The following ACSM2A variants were observed in gnomAD, a reference collection of about 807,000 sequenced individuals.
The protein encoded by ACSM2A is acyl-coenzyme A synthetase ACSM2A, mitochondrial.
In ACSM2A, 72 loss-of-function variants were observed where a neutral mutation model predicts 76.6. That is an observed-to-expected ratio of 0.94 (90% CI 0.78 to 1.14). The LOEUF (loss-of-function observed/expected upper bound fraction) is 1.14, where lower values mean the gene tolerates loss of function less well. Ranked by LOEUF, ACSM2A falls within the 50% of genes most tolerant of loss-of-function variation. The probability of loss-of-function intolerance (pLI) is 0.00; values close to 1 mark genes in which losing one functional copy is unlikely to be tolerated. For synonymous variants in ACSM2A, 249 were observed against 255.9 expected, an observed-to-expected ratio of 0.97 and a Z score of 0.26; for missense variants, 684 against 708.5, an observed-to-expected ratio of 0.97 and a Z score of 0.39.
At chr16:20,478,485 T>A in intron 9 of ACSM2A, 91 bp from the exon 10 acceptor site, 1 of 1,457,332 alleles carries the variant, frequency 6.9e-7, no homozygotes, top group East Asian at 2.4e-5. Context: ...AGCAAGAGGG[T>A]CTTTCATTTG....
chr16:20,477,798 C>T (rs1360194499), intron 9 of ACSM2A, among the ~76,000 whole-genome samples: 1 of 152,170 alleles, frequency 6.6e-6, no homozygotes, highest in Non-Finnish European at 1.5e-5. Flanking sequence ...AGGATCTTTT[C>T]AGTTCAATTA....
chr16:20,454,419 C>G (rs888388399), intron 1 of ACSM2A, among the ~76,000 whole-genome samples: 2 of 152,134 alleles, frequency 1.3e-5, no homozygotes, highest in Non-Finnish European at 2.9e-5. Flanking sequence ...TTCCTCCCCA[C>G]CCAGTAGTGG....
At chr16:20,457,626 T>C (rs140856972) in intron 1 of ACSM2A, among the ~76,000 whole-genome samples, 11,453 of 152,006 alleles carry the variant, frequency 0.075, 1,020 homozygotes, top group African/African-American at 0.2. Flanking sequence ...CCTCTTATGA[T>C]TAAAACCCTC....
At position 20,471,374 on chromosome 16, in the gene ACSM2A, TC is replaced by T. The variant is rs538825737; in HGVS notation, c.741-157del. On this transcript the variant is annotated intron_variant, in intron 5 of 13. Transcript: ENST00000573854. Reference sequence around the variant, plus strand: ...GATGTGTGGATAGAACAACTTTTCTTCCCCCTTCCTACTTATACATAGACAT... The same window carrying T: ...GATGTGTGGATAGAACAACTTTTCTTCCCCTTCCTACTTATACATAGACAT... Among the ~76,000 whole-genome samples the T allele has an allele frequency of 2.7e-3, 406 of 152,148 alleles. 1 individual carries two copies. The highest frequency in any genetic ancestry group is 7.3e-3 in the African/African-American group (303 of 41,496).
chr16:20,481,896 G>T (rs2014106392), intron 12 of ACSM2A: 1 of 92,668 alleles, frequency 1.1e-5, no homozygotes. Context: ...TGCTTGGTTG[G>T]GAGGCCGAGG....
Position 20,480,584 on chromosome 16 carries a change from C to G in ACSM2A, c.1293C>G (p.Asp431Glu). 6.2e-7 allele frequency: 1 copy of G among 1,613,858 alleles called. No homozygotes were observed. Among genetic ancestry groups the G allele is most frequent in the Non-Finnish European group, 8.5e-7 (1 of 1,179,820 alleles). The stretch of plus-strand genomic sequence containing the variant: ...TCTGTGGTCACCAGGACAATCCCGA[C>G]AAGACAGCAGCCAACATTCGAGGAG... ...GIFSGYVDNPDKTAANIRGDF... is the reference protein window; with the variant it reads ...GIFSGYVDNPEKTAANIRGDF... Residue 431 changes from aspartate (D) to glutamate (E), a missense_variant, in exon 11 of 14, where the codon GAC becomes GAG. By Grantham distance (45) the Asp-to-Glu change is conservative. This residue lies in a region of ACSM2A where 519 missense variants were observed against 549.5 expected (regional missense o/e 0.94). Transcript: ENST00000573854.
intron 1 of ACSM2A, among the ~76,000 whole-genome samples, chr16:20,458,593 AT>A (rs2012354204): frequency 1.4e-5 from 2 of 143,444 alleles, no homozygotes; most frequent in African/African-American, 5.0e-5. Context: ...TAGTATATAT[AT>A]TTTTTATATA....
At chr16:20,469,836 G>C in intron 4 of ACSM2A, 117 bp downstream of exon 4, 1 of 1,145,620 alleles carries the variant, frequency 8.7e-7, no homozygotes, top group East Asian at 3.0e-5. Flanking sequence ...ACTAGGAAGA[G>C]TGAAGCTGGG....
At chr16:20,482,512 T>A (rs1211605708) in intron 12 of ACSM2A, 5 of 153,490 alleles carry the variant, frequency 3.3e-5, no homozygotes, top group Non-Finnish European at 5.8e-5. Context: ...GGTGTAAGCC[T>A]GGCACTATCA....
Position 20,470,175 on chromosome 16 carries a change from A to G in ACSM2A, c.596+456A>G, listed in dbSNP as rs568372665. 5.0e-3 allele frequency among the ~76,000 whole-genome samples: 761 copies of G among 152,104 alleles called. 4 individuals carry two copies. The highest frequency in any genetic ancestry group is 0.017 in the African/African-American group (708 of 41,364). ...TGTGATGCACACTGGAAACAACATG[A>G]TGTTAACACCAAGTGGGTTGAAACC... On this transcript the variant is annotated intron_variant, in intron 4 of 13. Transcript: ENST00000573854.
At chr16:20,473,159 C>T (rs560623547) in intron 6 of ACSM2A, among the ~76,000 whole-genome samples, 1 of 152,240 alleles carries the variant, frequency 6.6e-6, no homozygotes. Flanking sequence ...TATTTGGCTG[C>T]AGCAAAGGTT....
rs1596670842 is a variant in ACSM2A, at chr16:20,477,387, T to C, written c.1117T>C (p.Ser373Pro). The change falls in exon 9 of 14, where the codon TCC (serine) becomes CCC (proline). Residue 373 changes from serine (S) to proline (P), a missense_variant. This residue lies in a region of ACSM2A where 519 missense variants were observed against 549.5 expected (regional missense o/e 0.94). Transcript: ENST00000573854. ...TCCACAGGGATTAACTTGCATGGTT[T>C]CCAAGACAATGAAAATCAAACCAGG... ...QTETGLTCMV[S>P]KTMKIKPGYM... 15 of 1,609,502 alleles carry C rather than the reference T, an allele frequency of 9.3e-6. No homozygotes were observed. The South Asian group carries it at 1.3e-4, about 14-fold the overall frequency.
intron 4 of ACSM2A, 96 bp downstream of exon 4, chr16:20,469,815 A>G: frequency 1.3e-6 from 2 of 1,554,894 alleles, no homozygotes; most frequent in Non-Finnish European, 1.8e-6. Context: ...GTGCAGAAAG[A>G]ACAGCATGGG....
rs755691108 is a variant in ACSM2A, at chr16:20,483,179, T to G, written c.1629+2T>G. The G allele has an allele frequency of 1.7e-5, 27 of 1,613,566 alleles. No homozygotes were observed. In the Middle Eastern group the frequency reaches 4.9e-4, roughly 29 times the overall value. ...GCCCCATACAAGTACCCAAGAAAGGTAAGGCCTTTGAGCTCCCAAGTCACT... is the reference window on the plus strand; with the variant it reads ...GCCCCATACAAGTACCCAAGAAAGGGAAGGCCTTTGAGCTCCCAAGTCACT... On this transcript the variant is annotated splice_donor_variant, in intron 13 of 13. Transcript: ENST00000573854. LOFTEE classifies it high-confidence loss of function.
At chr16:20,452,687 G>T (rs2011849044) in intron 1 of ACSM2A, among the ~76,000 whole-genome samples, 1 of 146,842 alleles carries the variant, frequency 6.8e-6, no homozygotes, top group Non-Finnish European at 1.5e-5. Context: ...AGTGGTTCTA[G>T]AGGAAAAGAA....
rs576904105 is a variant in ACSM2A at position 20,463,795 on chromosome 16, T to C, written c.178-1722T>C. 7.2e-5 allele frequency among the ~76,000 whole-genome samples: 11 copies of C among 152,334 alleles called. No homozygotes were observed. In the East Asian group the frequency reaches 1.9e-3, roughly 27 times the overall value. On this transcript the variant is annotated intron_variant, in intron 2 of 13. Transcript: ENST00000573854. ...TTTGGTTTTTTGTGTCTGGCTAATT[T>C]CACTTGGCATGTCTTCAAGGTTTAT...
chr16:20,468,615 C>T (rs112323080), intron 3 of ACSM2A, among the ~76,000 whole-genome samples: 13 of 152,296 alleles, frequency 8.5e-5, no homozygotes, highest in African/African-American at 3.1e-4. Context: ...CCTCCTTGGC[C>T]TCCCAAAATG....
At chr16:20,477,677 G>T (rs925752837) in intron 9 of ACSM2A, among the ~76,000 whole-genome samples, 23 of 152,114 alleles carry the variant, frequency 1.5e-4, no homozygotes, top group African/African-American at 4.8e-4. Context: ...ACTTTGAATA[G>T]CTAGCAAATT....
chr16:20,453,002 T>C (rs1255040579), intron 1 of ACSM2A, among the ~76,000 whole-genome samples: 2 of 151,994 alleles, frequency 1.3e-5, no homozygotes, highest in Non-Finnish European at 2.9e-5. Flanking sequence ...TGAAAGAAAA[T>C]GATGAACTCG....
Sources: gnomAD v4.1 joint callset for allele counts (sites outside exome capture counted in the v4.1 genomes callset) on GRCh38, gnomAD v4.1.1 for gene constraint, gnomAD v4.1.1 regional missense constraint, MANE v1.5 for transcripts, NCBI Gene and HGNC (gene_info 2026-07-23, HGNC 2026-07-21) for gene names.